The following USP26 variants were observed in gnomAD, a reference collection of about 807,000 sequenced individuals.
USP26 encodes ubiquitin specific peptidase 26.
For synonymous variants in USP26, 236 were observed against 240.6 expected, an observed-to-expected ratio of 0.98 and a Z score of 0.18; for missense variants, 649 against 642.3, an observed-to-expected ratio of 1.01 and a Z score of -0.11.
At chrX:133,096,960 C>T (rs749923119) in intron 1 of USP26, 70 bp downstream of exon 1, 1 of 112,634 alleles carries the variant, frequency 8.9e-6, no homozygotes, top group East Asian at 2.8e-4. Context: ...CATATAGCCA[C>T]ATATAGAAAG....
At chrX:133,036,192 T>C (rs758033313) in intron 5 of USP26, among the ~76,000 whole-genome samples, 1 of 110,751 alleles carries the variant, frequency 9.0e-6, no homozygotes, top group Non-Finnish European at 1.9e-5. Flanking sequence ...AGTTCTGGGA[T>C]ACATGTGCTG....
rs1300728295 is a variant in USP26 at position 133,030,339 on chromosome X, T to TA, written c.-76-2044dup. On this transcript the variant is annotated intron_variant, in intron 5 of 5. Transcript: ENST00000511190. ...GGTGCCAAGCAGCTGGTTGTCCAGT[T>TA]AAAAAAAAACCCTAATAGAAATGTC... is the stretch of plus-strand genomic sequence containing the variant. Among the ~76,000 whole-genome samples, 765 of 110,272 alleles carry TA rather than the reference T, an allele frequency of 6.9e-3. 1 individual carries two copies. The highest frequency in any genetic ancestry group is 0.011 in the South Asian group (28 of 2,576).
At chrX:133,052,741 G>C (rs1292039903) in intron 5 of USP26, among the ~76,000 whole-genome samples, 1 of 111,959 alleles carries the variant, frequency 8.9e-6, no homozygotes, top group Non-Finnish European at 1.9e-5. Context: ...GACTGCTGTT[G>C]ATTTTGTTAG....
chrX:133,086,436 T>C (rs1476505586), intron 4 of USP26, among the ~76,000 whole-genome samples: 1 of 110,379 alleles, frequency 9.1e-6, no homozygotes, highest in Non-Finnish European at 1.9e-5. Context: ...GGTGAGACCT[T>C]GTCTCCACAA....
In USP26 at chrX:133,048,695, C is replaced by T. The variant is rs953012352; in HGVS notation, c.-76-20399G>A. On this transcript the variant is annotated intron_variant, in intron 5 of 5. Coordinates refer to ENST00000511190, the MANE Select transcript of USP26 (RefSeq NM_031907.3). ...CGGAGTAGCTGGGACTACAGGCGCC[C>T]GCCACCACGCCCGGCTAATTTTTTG... 4.5e-5 allele frequency among the ~76,000 whole-genome samples: 5 copies of T among 111,066 alleles called. No individual in the cohort carries two copies. The South Asian group carries it at 1.5e-3, about 34-fold the overall frequency.
At chrX:133,070,082 G>A (rs1463721680) in intron 5 of USP26, among the ~76,000 whole-genome samples, 1 of 111,239 alleles carries the variant, frequency 9.0e-6, no homozygotes, top group Non-Finnish European at 1.9e-5. Context: ...AACTATTACA[G>A]CAAAAGACGA....
intron 5 of USP26, among the ~76,000 whole-genome samples, chrX:133,032,821 G>A (rs967069032): frequency 1.8e-5 from 2 of 111,641 alleles, no homozygotes; most frequent in South Asian, 3.8e-4. Context: ...AAAATACTAC[G>A]GAGTAGGGGA....
At chrX:133,096,047 ATTTTTTTTTT>A (rs779131148) in intron 1 of USP26, among the ~76,000 whole-genome samples, 58 of 36,551 alleles carry the variant, frequency 1.6e-3, no homozygotes, top group South Asian at 3.0e-3. Context: ...GCCCGGCCTA[ATTTTTTTTTT>A]TTTTTTTTTT....
At chrX:133,073,884 G>A (rs1237286412) in intron 5 of USP26, among the ~76,000 whole-genome samples, 1 of 111,288 alleles carries the variant, frequency 9.0e-6, no homozygotes, top group African/African-American at 3.3e-5. Flanking sequence ...CATGGTCACC[G>A]AGATTCCTGA....
intron 5 of USP26, among the ~76,000 whole-genome samples, chrX:133,039,192 T>C (rs74326704): frequency 5.0e-4 from 56 of 111,565 alleles, no homozygotes; most frequent in African/African-American, 1.5e-3. Flanking sequence ...TAGTTATTTC[T>C]TGTCTTCTGC....
At chrX:133,062,734 G>A (rs952018475) in intron 5 of USP26, among the ~76,000 whole-genome samples, 14 of 110,348 alleles carry the variant, frequency 1.3e-4, no homozygotes, top group Non-Finnish European at 2.3e-4. Context: ...GGACCCCCCC[G>A]CCACAAAACC....
chrX:133,029,107 A>T (rs1481505452), intron 5 of USP26, among the ~76,000 whole-genome samples: 1 of 112,620 alleles, frequency 8.9e-6, no homozygotes, highest in African/African-American at 3.2e-5. Flanking sequence ...AGAATCTCTG[A>T]ACAACTCTGG....
rs1479866685 is a variant in USP26, at chrX:133,028,226, C to A, written c.-6G>T. 1.7e-6 allele frequency: 2 copies of A among 1,209,800 alleles called. No individual in the cohort carries two copies. The highest frequency in any genetic ancestry group is 1.1e-6 in the Non-Finnish European group (1 of 893,923). ...CGTAGGAATAGGGCAGCCATGTTTT[C>A]TTTACAAATAAAATATACGTATCTC... On this transcript the variant is annotated 5_prime_UTR_variant, in exon 6 of 6. Transcript: ENST00000511190.
chrX:133,073,765 G>A, intron 5 of USP26, among the ~76,000 whole-genome samples: 1 of 111,131 alleles, frequency 9.0e-6, no homozygotes, highest in Non-Finnish European at 1.9e-5. Context: ...ATGACCAAAT[G>A]TCTCATGCAA....
chrX:133,045,547 A>G (rs1165750325), intron 5 of USP26, among the ~76,000 whole-genome samples: 1 of 111,798 alleles, frequency 8.9e-6, no homozygotes, highest in Admixed American at 9.5e-5. Flanking sequence ...GAGCTGTAAC[A>G]TTCATCGCAA....
intron 5 of USP26, among the ~76,000 whole-genome samples, chrX:133,083,415 C>T (rs1460506485): frequency 9.7e-6 from 1 of 102,872 alleles, no homozygotes. Context: ...CTTATACTGA[C>T]CAGGCGTGTA....
chrX:133,058,490 T>C (rs749742455), intron 5 of USP26, among the ~76,000 whole-genome samples: 21 of 112,171 alleles, frequency 1.9e-4, no homozygotes, highest in Non-Finnish European at 3.2e-4. Flanking sequence ...AGGATTGTTA[T>C]GTCTTACTGG....
chrX:133,023,708 G>A lies in USP26; in HGVS notation c.*1771C>T, dbSNP rs1327736850. Among the ~76,000 whole-genome samples, 1 of 111,552 alleles carries A rather than the reference G, an allele frequency of 9.0e-6. No homozygotes were observed. The highest frequency in any genetic ancestry group is 1.9e-5 in the Non-Finnish European group (1 of 53,096). On this transcript the variant is annotated 3_prime_UTR_variant, in exon 6 of 6. Transcript: ENST00000511190. ...TCAGGTCTCATAAGACCTCCTTCTA[G>A]ATAAACTGTGTTCTGAATACAATCT...
At chrX:133,033,374 C>A (rs902960454) in intron 5 of USP26, among the ~76,000 whole-genome samples, 2 of 112,203 alleles carry the variant, frequency 1.8e-5, no homozygotes, top group African/African-American at 6.5e-5. Context: ...ATACACTGCA[C>A]ATAAATCTCT....
Sources: allele counts gnomAD v4.1 joint callset (sites outside exome capture counted in the v4.1 genomes callset), GRCh38; gene constraint gnomAD v4.1.1; transcripts MANE v1.5; gene names NCBI Gene and HGNC (gene_info 2026-07-23, HGNC 2026-07-21).